VPS53: variants seen among roughly 807,000 people sequenced by gnomAD.
The protein encoded by VPS53 is vacuolar protein sorting-associated protein 53 homolog.
A neutral mutation model predicts 107.0 loss-of-function variants in VPS53; 70 were observed. The ratio of observed to expected loss-of-function variants is 0.65; its 90% CI spans 0.54 to 0.80. VPS53 has a LOEUF of 0.80. VPS53 is among the 30% of genes least tolerant of loss of function. The pLI, the probability that VPS53 is intolerant of heterozygous loss-of-function variation, is 0.00. For synonymous variants in VPS53, 409 were observed against 393.3 expected, an observed-to-expected ratio of 1.04 and a Z score of -0.47; for missense variants, 917 against 1,049.4, an observed-to-expected ratio of 0.87 and a Z score of 1.74.
In VPS53 at chr17:652,715, G is replaced by A. The variant is rs188158585; in HGVS notation, c.608+576C>T. ...GTCCCCGAGCCAGGCCAAATTATAC[G>A]TGCAAAACAATTATTGTTTTAAGCT... is the stretch of plus-strand genomic sequence containing the variant. On this transcript the variant is annotated intron_variant, in intron 7 of 21. Coordinates refer to ENST00000437048, the MANE Select transcript of VPS53 (RefSeq NM_001128159.3). 1.6e-3 allele frequency among the ~76,000 whole-genome samples: 248 copies of A among 152,304 alleles called. 1 individual carries two copies. Among genetic ancestry groups the A allele is most frequent in the South Asian group, 3.9e-3 (19 of 4,828 alleles).
At chr17:690,554 G>C (rs1972741516) in intron 4 of VPS53, among the ~76,000 whole-genome samples, 1 of 152,196 alleles carries the variant, frequency 6.6e-6, no homozygotes, top group Non-Finnish European at 1.5e-5. Flanking sequence ...GGATGCATGT[G>C]GACACACACC....
intron 13 of VPS53, among the ~76,000 whole-genome samples, chr17:579,162 A>G (rs12946737): frequency 0.21 from 29,666 of 143,538 alleles, 2,248 homozygotes; most frequent in Admixed American, 0.28. Context: ...CCTCCCTCAG[A>G]ACCTAATGCG....
chr17:545,711 C>T (rs963290644), intron 17 of VPS53, among the ~76,000 whole-genome samples: 6 of 152,140 alleles, frequency 3.9e-5, no homozygotes, highest in African/African-American at 9.7e-5. Flanking sequence ...TGCCATGCCA[C>T]GGGTTTCCAA....
intron 13 of VPS53, among the ~76,000 whole-genome samples, chr17:581,291 A>T (rs1308551788): frequency 2.0e-5 from 3 of 150,784 alleles, no homozygotes; most frequent in Admixed American, 2.0e-4. Context: ...CAGGACCTCA[A>T]TGCGTTCCCA....
rs189431268 is a variant in VPS53, at chr17:654,361, T to C, written c.489-951A>G. On this transcript the variant is annotated intron_variant, in intron 6 of 21. Coordinates refer to ENST00000437048, the MANE Select transcript of VPS53 (RefSeq NM_001128159.3). ...TCAAGTTACACACAGGGAGGAAATA[T>C]AAACTATTAGATCTAAATTTTTCAT... 1.0e-3 allele frequency among the ~76,000 whole-genome samples: 155 copies of C among 152,230 alleles called. 4 individuals are homozygous for C. In the East Asian group the frequency reaches 0.027, roughly 27 times the overall value.
intron 18 of VPS53, among the ~76,000 whole-genome samples, chr17:534,488 G>A (rs1054293025): frequency 6.6e-6 from 1 of 152,180 alleles, no homozygotes; most frequent in South Asian, 2.1e-4. Context: ...TGATCAGGAA[G>A]GAGAGTAAAC....
intron 14 of VPS53, 96 bp downstream of exon 14, chr17:562,407 T>C: frequency 2.6e-6 from 4 of 1,543,892 alleles, no homozygotes; most frequent in Non-Finnish European, 3.5e-6. Context: ...CTTGATACTC[T>C]TGGTGGTTTA....
At chr17:650,267 G>A (rs921163229) in intron 7 of VPS53, among the ~76,000 whole-genome samples, 1 of 152,160 alleles carries the variant, frequency 6.6e-6, no homozygotes, top group Non-Finnish European at 1.5e-5. Flanking sequence ...GGATGAGGCA[G>A]GAGGATCACT....
At chr17:655,303 A>C (rs1020127318) in intron 6 of VPS53, among the ~76,000 whole-genome samples, 10 of 152,212 alleles carry the variant, frequency 6.6e-5, no homozygotes, top group Non-Finnish European at 1.3e-4. Context: ...AGCCAAACGG[A>C]AATCTACTTT....
chr17:633,192 C>A (rs1970033985), intron 7 of VPS53, among the ~76,000 whole-genome samples: 1 of 152,110 alleles, frequency 6.6e-6, no homozygotes, highest in African/African-American at 2.4e-5. Flanking sequence ...ATGGATCAGG[C>A]CCCGCAATCA....
At chr17:549,341 C>G (rs887353188) in intron 17 of VPS53, among the ~76,000 whole-genome samples, 1 of 152,160 alleles carries the variant, frequency 6.6e-6, no homozygotes, top group Non-Finnish European at 1.5e-5. Flanking sequence ...TTTGCTAGAA[C>G]TCCAGAAGAC....
At chr17:613,520 TCA>T (rs897412433) in intron 11 of VPS53, among the ~76,000 whole-genome samples, 2 of 151,564 alleles carry the variant, frequency 1.3e-5, no homozygotes, top group Admixed American at 6.6e-5. Flanking sequence ...GTACAAATAT[TCA>T]CATAGTGAGT....
At chr17:651,012 TA>T (rs1970923452) in intron 7 of VPS53, among the ~76,000 whole-genome samples, 1 of 152,174 alleles carries the variant, frequency 6.6e-6, no homozygotes, top group Non-Finnish European at 1.5e-5. Context: ...ACAAAGCCAT[TA>T]ACTGAAACTA....
intron 8 of VPS53, among the ~76,000 whole-genome samples, chr17:631,327 A>G (rs1969951324): frequency 6.6e-6 from 1 of 151,832 alleles, no homozygotes; most frequent in African/African-American, 2.4e-5. Context: ...TTAAGCCCAA[A>G]CAAATCCTCT....
At chr17:628,358 T>G (rs1969807159) in intron 8 of VPS53, 127 bp from the exon 9 acceptor site, 3 of 1,147,600 alleles carry the variant, frequency 2.6e-6, no homozygotes, top group Non-Finnish European at 3.6e-6. Flanking sequence ...CACTCATTCT[T>G]TCTGCTGTGG....
chr17:705,364 G>A (rs1973361247), intron 2 of VPS53, among the ~76,000 whole-genome samples: 1 of 151,964 alleles, frequency 6.6e-6, no homozygotes, highest in Admixed American at 6.6e-5. Context: ...TGAGGCAGGA[G>A]GGTGGCTTGA....
At chr17:547,664 G>T (rs997198932) in intron 17 of VPS53, among the ~76,000 whole-genome samples, 2 of 152,176 alleles carry the variant, frequency 1.3e-5, no homozygotes, top group East Asian at 3.9e-4. Flanking sequence ...ATAAAATAGA[G>T]TCTCACTCTG....
At chr17:629,190 T>A (rs1969838688) in intron 8 of VPS53, among the ~76,000 whole-genome samples, 1 of 152,240 alleles carries the variant, frequency 6.6e-6, no homozygotes, top group South Asian at 2.1e-4. Flanking sequence ...ATAAGCTGCC[T>A]GAGACCTGAG....
chr17:567,743 G>C (rs546746746), intron 13 of VPS53, among the ~76,000 whole-genome samples: 11 of 152,026 alleles, frequency 7.2e-5, no homozygotes, highest in Non-Finnish European at 1.3e-4. Context: ...AAACAAATTA[G>C]TTAGGCATGG....
Sources: gnomAD v4.1 joint callset for allele counts (sites outside exome capture counted in the v4.1 genomes callset) on GRCh38, gnomAD v4.1.1 for gene constraint, MANE v1.5 for transcripts, NCBI Gene and HGNC (gene_info 2026-07-23, HGNC 2026-07-21) for gene names.